The following CNTN1 variants were observed in gnomAD, a reference collection of about 807,000 sequenced individuals.
CNTN1 encodes contactin 1, also known as contactin-1.
CNTN1 carries 38 observed loss-of-function variants against 126.4 expected under a neutral mutation model. The ratio of observed to expected loss-of-function variants is 0.30; its 90% confidence interval spans 0.23 to 0.39. The LOEUF (loss-of-function observed/expected upper bound fraction) is 0.39, where lower values mean the gene tolerates loss of function less well. CNTN1 is among the 10% of genes least tolerant of loss of function. The pLI is 1.00. For synonymous variants in CNTN1, 413 were observed against 422.6 expected, an observed-to-expected ratio of 0.98 and a Z score of 0.28; for missense variants, 1,009 against 1,248.4, an observed-to-expected ratio of 0.81 and a Z score of 2.89.
chr12:40,971,728 G>T, intron 15 of CNTN1: 1 of 1,326,206 alleles, frequency 7.5e-7, no homozygotes, highest in Non-Finnish European at 9.6e-7. Context: ...AAAATGCCTA[G>T]TGAACTAACT....
chr12:40,871,186 G>GAAAAAAAAA (rs201485882), intron 1 of CNTN1, among the ~76,000 whole-genome samples: 15 of 113,546 alleles, frequency 1.3e-4, no homozygotes, highest in East Asian at 3.9e-4. Flanking sequence ...CTGTTACAGA[G>GAAAAAAAAA]AAAAAAAAAA....
At chr12:40,887,841 A>T (rs1367900045) in intron 1 of CNTN1, among the ~76,000 whole-genome samples, 1 of 152,168 alleles carries the variant, frequency 6.6e-6, no homozygotes, top group Non-Finnish European at 1.5e-5. Flanking sequence ...GCCATAAAAA[A>T]TGATGAGTTC....
chr12:40,858,690 C>T (rs929241262), intron 1 of CNTN1, among the ~76,000 whole-genome samples: 8 of 152,096 alleles, frequency 5.3e-5, no homozygotes, highest in African/African-American at 1.9e-4. Context: ...ATGTTCATTG[C>T]AGCACTATTC....
chr12:40,703,514 A>C (rs1457184100), intron 1 of CNTN1, among the ~76,000 whole-genome samples: 2 of 152,194 alleles, frequency 1.3e-5, no homozygotes, highest in Non-Finnish European at 2.9e-5. Context: ...TTCCGAAGTC[A>C]TGAAAATAGA....
Position 40,727,952 on chromosome 12 carries a change from G to A in CNTN1, c.-77+35360G>A, listed in dbSNP as rs138627642. ...TCCAAATGACCCTGTAGAGGTGTCC[G>A]CCCTCAGGCAGAGCAGCAGGGCTTG... On this transcript the variant is annotated intron_variant, in intron 1 of 23. Transcript: ENST00000551295. Among the ~76,000 whole-genome samples the A allele has an allele frequency of 4.8e-3, 734 of 152,280 alleles. 8 individuals are homozygous for A. The highest frequency in any genetic ancestry group is 0.017 in the African/African-American group (699 of 41,572).
At position 41,029,065 on chromosome 12, in the gene CNTN1, A is replaced by G. The variant is rs371445853; in HGVS notation, c.2826A>G (p.Val942=). 6.2e-7 allele frequency: 1 copy of G among 1,613,894 alleles called. No individual in the cohort carries two copies. The highest frequency in any genetic ancestry group is 8.5e-7 in the Non-Finnish European group (1 of 1,179,842). ...SNESTVTGYK[V]LYRPDGQHDG... The stretch of plus-strand genomic sequence containing the variant: ...TTTACATTTCTGTACTTTATAAGGT[A>G]CTCTACAGACCTGATGGCCAGCATG... Residue 942 remains valine, a splice_region_variant and synonymous_variant, in exon 23 of 24, where the codon GTA becomes GTG. Coordinates refer to ENST00000551295, the MANE Select transcript of CNTN1 (RefSeq NM_001843.4).
At chr12:41,014,795 C>G (rs1161951383) in intron 18 of CNTN1, among the ~76,000 whole-genome samples, 1 of 152,068 alleles carries the variant, frequency 6.6e-6, no homozygotes, top group African/African-American at 2.4e-5. Flanking sequence ...CATTTTATTA[C>G]AGTTTCGTGA....
chr12:41,000,082 G>A (rs992330193), intron 17 of CNTN1, among the ~76,000 whole-genome samples: 5 of 152,048 alleles, frequency 3.3e-5, no homozygotes, highest in Non-Finnish European at 7.4e-5. Context: ...AATCAGTCTT[G>A]AAAATATATT....
intron 1 of CNTN1, among the ~76,000 whole-genome samples, chr12:40,810,591 T>C (rs1257270774): frequency 9.9e-6 from 1 of 100,690 alleles, no homozygotes; most frequent in East Asian, 4.0e-4. Flanking sequence ...TTCTATGAGA[T>C]TGATTTTTTT....
At chr12:41,045,079 G>A (rs1949511666) in intron 23 of CNTN1, among the ~76,000 whole-genome samples, 1 of 151,900 alleles carries the variant, frequency 6.6e-6, no homozygotes, top group Non-Finnish European at 1.5e-5. Context: ...ATTTACTAAT[G>A]ACATAAAAAG....
intron 1 of CNTN1, among the ~76,000 whole-genome samples, chr12:40,694,945 A>T (rs893420509): frequency 2.6e-5 from 4 of 152,220 alleles, no homozygotes; most frequent in Admixed American, 2.6e-4. Flanking sequence ...TGGTAATAAT[A>T]ACAATACATA....
intron 1 of CNTN1, among the ~76,000 whole-genome samples, chr12:40,874,353 C>T (rs1943600532): frequency 6.6e-6 from 1 of 151,914 alleles, no homozygotes; most frequent in Non-Finnish European, 1.5e-5. Context: ...TAATAAATAT[C>T]AAAGTCACAA....
At chr12:41,024,690 G>T (rs1949001942) in intron 20 of CNTN1, among the ~76,000 whole-genome samples, 1 of 152,102 alleles carries the variant, frequency 6.6e-6, no homozygotes, top group Admixed American at 6.6e-5. Context: ...AGGCCACATA[G>T]TAACTATTTT....
At chr12:40,903,184 G>C (rs891152672) in intron 1 of CNTN1, among the ~76,000 whole-genome samples, 2 of 152,182 alleles carry the variant, frequency 1.3e-5, no homozygotes, top group Non-Finnish European at 1.5e-5. Context: ...AGCAGCAGCA[G>C]CAGCAGTACC....
intron 1 of CNTN1, among the ~76,000 whole-genome samples, chr12:40,795,003 G>C (rs1268656992): frequency 6.6e-6 from 1 of 152,022 alleles, no homozygotes; most frequent in Non-Finnish European, 1.5e-5. Context: ...GTATTTTGTG[G>C]ATGTGGGTAA....
chr12:40,756,356 G>T (rs989543680), intron 1 of CNTN1, among the ~76,000 whole-genome samples: 1 of 152,004 alleles, frequency 6.6e-6, no homozygotes, highest in African/African-American at 2.4e-5. Flanking sequence ...TAAGGGGAGT[G>T]TCCTCATTGG....
At chr12:40,929,291 C>T (rs1045742734) in intron 6 of CNTN1, among the ~76,000 whole-genome samples, 1 of 151,134 alleles carries the variant, frequency 6.6e-6, no homozygotes, top group Non-Finnish European at 1.5e-5. Context: ...TTTAATGTGA[C>T]CACAATAGGT....
chr12:41,061,089 A>T (rs1382497489), intron 23 of CNTN1, among the ~76,000 whole-genome samples: 1 of 152,160 alleles, frequency 6.6e-6, no homozygotes, highest in African/African-American at 2.4e-5. Flanking sequence ...GAATTGTCTC[A>T]CCTCAAGTCT....
chr12:40,810,293 G>A (rs1380534041), intron 1 of CNTN1, among the ~76,000 whole-genome samples: 1 of 152,140 alleles, frequency 6.6e-6, no homozygotes, highest in Non-Finnish European at 1.5e-5. Context: ...ACAAAGTGAT[G>A]TTTTGATATC....
Sources: allele counts gnomAD v4.1 joint callset (sites outside exome capture counted in the v4.1 genomes callset), GRCh38; gene constraint gnomAD v4.1.1; transcripts MANE v1.5; gene names NCBI Gene and HGNC (gene_info 2026-07-23, HGNC 2026-07-21).